The following IL7 variants were observed in gnomAD, a reference collection of about 807,000 sequenced individuals.
IL7 encodes the protein interleukin 7, also known as interleukin-7.
In IL7, 3 loss-of-function variants were observed where a neutral mutation model predicts 21.6. The ratio of observed to expected loss-of-function variants is 0.14; its 90% CI spans 0.06 to 0.36. The LOEUF (loss-of-function observed/expected upper bound fraction) is 0.36, where lower values mean the gene tolerates loss of function less well. Among genes scored for constraint, IL7 ranks in the 10% least tolerant of loss-of-function variants. The pLI is 1.00. For synonymous variants in IL7, 62 were observed against 68.1 expected (o/e 0.91, Z 0.44); for missense variants, 175 against 200.2 (o/e 0.87, Z 0.76).
intron 2 of IL7, among the ~76,000 whole-genome samples, chr8:78,790,367 T>C (rs1005487522): frequency 6.6e-6 from 1 of 152,144 alleles, no homozygotes; most frequent in African/African-American, 2.4e-5. Context: ...TTCATATTGA[T>C]ATCAAAAAGT....
In IL7 at chr8:78,747,788, G is replaced by T. The variant is rs563749846; in HGVS notation, c.148-7706C>A. Among the ~76,000 whole-genome samples the T allele has an allele frequency of 7.9e-5, 12 of 152,114 alleles. No homozygotes were observed. In the South Asian group the frequency reaches 2.1e-3, roughly 26 times the overall value. On this transcript the variant is annotated intron_variant, in intron 2 of 5. Transcript: ENST00000263851. ...CCTTCCCTCAAGAAGTTTATTATTT[G>T]GTGGCAAAAACATTAATCCAATAAC...
intron 3 of IL7, among the ~76,000 whole-genome samples, chr8:78,701,463 T>C (rs1364614583): frequency 6.6e-6 from 1 of 152,246 alleles, no homozygotes; most frequent in Non-Finnish European, 1.5e-5. Flanking sequence ...ACTTCCTCTC[T>C]TCCTATTTGG....
chr8:78,754,572 G>C (rs535668653), intron 2 of IL7, among the ~76,000 whole-genome samples: 1 of 152,210 alleles, frequency 6.6e-6, no homozygotes, highest in South Asian at 2.1e-4. Context: ...AAAAGAGCCC[G>C]TATAGCCAAG....
At chr8:78,689,552 A>T (rs1323045666) in intron 3 of IL7, among the ~76,000 whole-genome samples, 2 of 152,038 alleles carry the variant, frequency 1.3e-5, no homozygotes, top group African/African-American at 4.8e-5. Context: ...AAATCATTTC[A>T]AGCTAATTGT....
At chr8:78,760,594 G>A in intron 2 of IL7, 3 of 1,560,932 alleles carry the variant, frequency 1.9e-6, no homozygotes, top group Non-Finnish European at 2.6e-6. Flanking sequence ...GTTGTCCCAT[G>A]ACTGAGGGTA....
At chr8:78,781,783 A>C (rs1813340220) in intron 2 of IL7, among the ~76,000 whole-genome samples, 1 of 152,100 alleles carries the variant, frequency 6.6e-6, no homozygotes. Context: ...AGGTTGAGGA[A>C]GTTCTCCTGG....
intron 4 of IL7, among the ~76,000 whole-genome samples, chr8:78,682,156 T>C (rs961589449): frequency 2.2e-4 from 33 of 152,186 alleles, no homozygotes; most frequent in South Asian, 2.1e-4. Context: ...AAAATAAATC[T>C]TTGTAGCATG....
At chr8:78,677,903 A>G (rs1160135905) in intron 4 of IL7, among the ~76,000 whole-genome samples, 1 of 152,132 alleles carries the variant, frequency 6.6e-6, no homozygotes, top group Admixed American at 6.5e-5. Context: ...GCCCACTTTT[A>G]TGGTTATTTC....
intron 2 of IL7, chr8:78,747,188 CTTTTTTTT>C: frequency 7.8e-6 from 2 of 254,822 alleles, no homozygotes; most frequent in South Asian, 2.9e-5. Context: ...TACTTCATTG[CTTTTTTTT>C]TTTTTTTTTT....
chr8:78,762,398 G>A, intron 2 of IL7: 5 of 1,611,470 alleles, frequency 3.1e-6, no homozygotes, highest in Non-Finnish European at 4.2e-6. Context: ...GTGCTCTTCC[G>A]CGTGCAGTTG....
At chr8:78,791,499 G>T (rs1032254405) in intron 2 of IL7, among the ~76,000 whole-genome samples, 5 of 152,118 alleles carry the variant, frequency 3.3e-5, no homozygotes, top group African/African-American at 1.2e-4. Flanking sequence ...AATTAGCTGG[G>T]TGTGGTGGCA....
chr8:78,675,600 CT>C (rs1177512177), downstream of IL7: 3 of 519,888 alleles, frequency 5.8e-6, no homozygotes, highest in African/African-American at 2.0e-5. Flanking sequence ...TTATCCTGAC[CT>C]TTTTCACCAC....
intron 2 of IL7, among the ~76,000 whole-genome samples, chr8:78,745,914 G>C (rs1811962238): frequency 6.6e-6 from 1 of 152,084 alleles, no homozygotes; most frequent in South Asian, 2.1e-4. Flanking sequence ...AGTGGCTCCA[G>C]TCTCTGCCTC....
intron 3 of IL7, among the ~76,000 whole-genome samples, chr8:78,687,791 A>G (rs1408107693): frequency 1.5e-5 from 2 of 134,980 alleles, no homozygotes; most frequent in Non-Finnish European, 3.1e-5. Context: ...TTTACGTAAT[A>G]CATTATATAT....
At chr8:78,760,848 T>A (rs1398638556) in intron 2 of IL7, 2 of 1,557,422 alleles carry the variant, frequency 1.3e-6, no homozygotes, top group African/African-American at 2.8e-5. Flanking sequence ...ACTTCAATAT[T>A]TTCCATCACT....
downstream of IL7, among the ~76,000 whole-genome samples, chr8:78,730,497 T>A (rs964111328): frequency 1.3e-5 from 2 of 152,110 alleles, no homozygotes; most frequent in East Asian, 3.9e-4. Context: ...TTCTGCCATA[T>A]CATCCTGAAT....
chr8:78,770,715 G>T (rs1022327745), intron 2 of IL7, among the ~76,000 whole-genome samples: 7 of 151,546 alleles, frequency 4.6e-5, no homozygotes, highest in African/African-American at 1.7e-4. Flanking sequence ...ACACGCACAC[G>T]CACACAAGTG....
intron 3 of IL7, among the ~76,000 whole-genome samples, chr8:78,697,682 CTTT>C (rs370060109): frequency 7.9e-5 from 11 of 139,652 alleles, no homozygotes; most frequent in Non-Finnish European, 9.4e-5. Context: ...TACTTTTAAC[CTTT>C]TTTTTTTTTT....
intron 2 of IL7, among the ~76,000 whole-genome samples, chr8:78,776,884 G>A (rs919192983): frequency 3.9e-5 from 6 of 152,036 alleles, no homozygotes; most frequent in South Asian, 4.2e-4. Flanking sequence ...GGGTCCACAC[G>A]GGTCATAACA....
Sources: gnomAD v4.1 joint callset for allele counts (sites outside exome capture counted in the v4.1 genomes callset) on GRCh38, gnomAD v4.1.1 for gene constraint, MANE v1.5 for transcripts, NCBI Gene and HGNC (gene_info 2026-07-23, HGNC 2026-07-21) for gene names.